Variants in CTNND2 observed in about 807,000 individuals in gnomAD.
The protein encoded by CTNND2 is catenin delta 2.
CTNND2 carries 22 observed loss-of-function variants against 144.4 expected under a neutral mutation model. The ratio of observed to expected loss-of-function variants is 0.15; its 90% confidence interval spans 0.11 to 0.22. CTNND2 has a LOEUF of 0.22. CTNND2 is among the 10% of genes least tolerant of loss of function. CTNND2 has a pLI of 1.00. For synonymous variants in CTNND2, 751 were observed against 695.6 expected (o/e 1.08, Z -1.25); for missense variants, 1,353 against 1,618.8 (o/e 0.84, Z 2.82).
At chr5:11,736,521 C>G (rs1787691977) in intron 1 of CTNND2, among the ~76,000 whole-genome samples, 1 of 152,044 alleles carries the variant, frequency 6.6e-6, no homozygotes, top group South Asian at 2.1e-4. Flanking sequence ...AGACAGTCAC[C>G]CTCCAATCAC....
At chr5:11,241,297 T>G (rs548403816) in intron 9 of CTNND2, among the ~76,000 whole-genome samples, 6 of 152,202 alleles carry the variant, frequency 3.9e-5, no homozygotes, top group Non-Finnish European at 7.3e-5. Flanking sequence ...GACAACAATC[T>G]GTGAGGGTGA....
chr5:11,342,385 C>T (rs41078), intron 9 of CTNND2, among the ~76,000 whole-genome samples: 48,323 of 151,884 alleles, frequency 0.32, 8,098 homozygotes, highest in Admixed American at 0.48. Flanking sequence ...TTGATAGAGC[C>T]GACTGAAAGT....
chr5:11,153,242 AC>A (rs1325693663), intron 12 of CTNND2, among the ~76,000 whole-genome samples: 1 of 152,160 alleles, frequency 6.6e-6, no homozygotes. Flanking sequence ...AGCCTGGGCA[AC>A]AGAGCAAGAC....
chr5:11,113,238 T>C (rs1406398193), intron 13 of CTNND2, among the ~76,000 whole-genome samples: 1 of 152,194 alleles, frequency 6.6e-6, no homozygotes, highest in East Asian at 1.9e-4. Context: ...CTTTGAATAG[T>C]GTCTGCTCAA....
intron 3 of CTNND2, among the ~76,000 whole-genome samples, chr5:11,488,422 C>T (rs958269523): frequency 2.6e-5 from 4 of 152,164 alleles, no homozygotes; most frequent in Non-Finnish European, 4.4e-5. Flanking sequence ...TTCTCTTTCA[C>T]ATCGTAGATA....
intron 17 of CTNND2, among the ~76,000 whole-genome samples, chr5:11,019,852 TG>T (rs1306375410): frequency 6.6e-6 from 1 of 152,168 alleles, no homozygotes; most frequent in African/African-American, 2.4e-5. Context: ...CCCATATAAC[TG>T]TTAAAATTGG....
intron 1 of CTNND2, among the ~76,000 whole-genome samples, chr5:11,845,765 T>C (rs1357625398): frequency 3.3e-5 from 5 of 152,176 alleles, no homozygotes; most frequent in African/African-American, 1.2e-4. Context: ...ACACAAGTCA[T>C]GGAAAGTTTA....
intron 1 of CTNND2, among the ~76,000 whole-genome samples, chr5:11,780,110 A>G (rs1790462658): frequency 6.6e-6 from 1 of 152,168 alleles, no homozygotes; most frequent in South Asian, 2.1e-4. Flanking sequence ...AGACCTGAGT[A>G]TCTACTGCAG....
chr5:11,174,549 G>C (rs533659749), intron 11 of CTNND2, among the ~76,000 whole-genome samples: 1 of 152,086 alleles, frequency 6.6e-6, no homozygotes, highest in South Asian at 2.1e-4. Context: ...ATTTGAAACT[G>C]TTTCTCTTTT....
chr5:11,600,433 T>C (rs935150936), intron 2 of CTNND2, among the ~76,000 whole-genome samples: 4 of 152,092 alleles, frequency 2.6e-5, no homozygotes, highest in Admixed American at 6.6e-5. Flanking sequence ...AGGCCAGGCA[T>C]AGTGGCTCAC....
At chr5:11,841,614 G>T (rs557110427) in intron 1 of CTNND2, among the ~76,000 whole-genome samples, 1 of 152,270 alleles carries the variant, frequency 6.6e-6, no homozygotes, top group South Asian at 2.1e-4. Flanking sequence ...AAAGAGAAAT[G>T]AAGCAGGCCA....
At chr5:11,411,807 A>G (rs1453696725) in intron 4 of CTNND2, among the ~76,000 whole-genome samples, 155 bp from the exon 5 acceptor site, 1 of 152,238 alleles carries the variant, frequency 6.6e-6, no homozygotes, top group Non-Finnish European at 1.5e-5. Context: ...GTCAACCAAC[A>G]TTAAAGCCAA....
Position 11,384,573 on chromosome 5 carries a change from GC to G in CTNND2, c.1177+91del. ...ACTACTACAACCTGGCAGACAGCGC[GC>G]CCGGCTTCGCTTCTGCTCAAGCCGG... On this transcript the variant is annotated intron_variant, in intron 7 of 21. Coordinates refer to ENST00000304623, the MANE Select transcript of CTNND2 (RefSeq NM_001332.4). The surrounding 1 kb of genome is among the most constrained non-coding windows in gnomAD (Gnocchi z 5.2). 2.5e-6 allele frequency: 3 copies of G among 1,222,668 alleles called. No individual in the cohort carries two copies. Among genetic ancestry groups the G allele is most frequent in the Non-Finnish European group, 3.3e-6 (3 of 896,636 alleles). 75.7% of individuals were successfully genotyped at this position (1,222,668 alleles called of 1,614,324 possible).
intron 11 of CTNND2, among the ~76,000 whole-genome samples, chr5:11,174,279 A>G (rs1281431179): frequency 6.6e-6 from 1 of 152,202 alleles, no homozygotes; most frequent in African/African-American, 2.4e-5. Flanking sequence ...CAGCATTTAA[A>G]TGGTATTTAA....
chr5:11,308,940 G>A lies in CTNND2; in HGVS notation c.1628+37432C>T, dbSNP rs144054479. ...GGCACGTCTTACATGGTAGGAGCACGAGGAAGAGGGCAAAGGGGAACGTGG... is the reference window on the plus strand; with the variant it reads ...GGCACGTCTTACATGGTAGGAGCACAAGGAAGAGGGCAAAGGGGAACGTGG... On this transcript the variant is annotated intron_variant, in intron 9 of 21. Coordinates refer to ENST00000304623, the MANE Select transcript of CTNND2 (RefSeq NM_001332.4). 4.5e-4 allele frequency among the ~76,000 whole-genome samples: 69 copies of A among 152,266 alleles called. No homozygotes were observed. In the East Asian group the frequency reaches 5.8e-3, roughly 13 times the overall value.
chr5:11,403,720 C>T (rs1298924918), intron 5 of CTNND2, among the ~76,000 whole-genome samples: 2 of 152,110 alleles, frequency 1.3e-5, no homozygotes, highest in Admixed American at 6.6e-5. Flanking sequence ...TTCTCACTAT[C>T]AATACTTGCA....
At chr5:11,585,274 C>T (rs529936291) in intron 2 of CTNND2, among the ~76,000 whole-genome samples, 18 of 152,228 alleles carry the variant, frequency 1.2e-4, no homozygotes, top group African/African-American at 4.1e-4. Context: ...TGTGAATCTG[C>T]TGCCTGTAAC....
At chr5:11,554,346 G>A (rs982235477) in intron 3 of CTNND2, among the ~76,000 whole-genome samples, 8 of 152,118 alleles carry the variant, frequency 5.3e-5, no homozygotes, top group African/African-American at 1.9e-4. Context: ...GAAAACAGAC[G>A]AGAGACATTT....
At chr5:11,231,145 C>T (rs944858387) in intron 10 of CTNND2, among the ~76,000 whole-genome samples, 1 of 152,192 alleles carries the variant, frequency 6.6e-6, no homozygotes, top group African/African-American at 2.4e-5. Context: ...TTTCTCCTGC[C>T]CCCGTGAAAA....
Sources: gnomAD v4.1 joint callset for allele counts (sites outside exome capture counted in the v4.1 genomes callset) on GRCh38, gnomAD v4.1.1 for gene constraint, Gnocchi (gnomAD v3.1) non-coding constraint, MANE v1.5 for transcripts, NCBI Gene and HGNC (gene_info 2026-07-23, HGNC 2026-07-21) for gene names.